Variants in DCDC1 observed in about 807,000 individuals in gnomAD.
DCDC1 encodes the protein doublecortin domain containing 1.
DCDC1 carries 200 observed loss-of-function variants against 178.3 expected under a neutral mutation model. That is an observed-to-expected ratio of 1.12 (90% CI 1.00 to 1.26). The LOEUF (loss-of-function observed/expected upper bound fraction) is 1.26, where lower values mean the gene tolerates loss of function less well. DCDC1 is among the 50% of genes most tolerant of loss of function. The pLI is 0.00. For synonymous variants in DCDC1, 690 were observed against 604.8 expected, an observed-to-expected ratio of 1.14 and a Z score of -2.07; for missense variants, 1,983 against 1,749.2, an observed-to-expected ratio of 1.13 and a Z score of -2.38.
At chr11:30,976,646 C>T (rs933975085) in intron 20 of DCDC1, among the ~76,000 whole-genome samples, 4 of 151,968 alleles carry the variant, frequency 2.6e-5, no homozygotes, top group African/African-American at 9.7e-5. Flanking sequence ...CATCTCACCC[C>T]AGTTAGAATG....
At position 31,011,452 on chromosome 11, in the gene DCDC1, G is replaced by T. The variant is rs550936215; in HGVS notation, c.2591+53017C>A. 5.9e-5 allele frequency among the ~76,000 whole-genome samples: 9 copies of T among 152,252 alleles called. No individual in the cohort carries two copies. The South Asian group carries it at 1.5e-3, about 25-fold the overall frequency. On this transcript the variant is annotated intron_variant, in intron 20 of 38. Coordinates refer to ENST00000684477, the MANE Select transcript of DCDC1 (RefSeq NM_001387274.1). The stretch of plus-strand genomic sequence containing the variant: ...GACAAGCAATAGAAAATGGGTAAAA[G>T]ATATGGATATGCAATTCACCAAAAA...
chr11:31,095,624 AG>A (rs1958101605), intron 15 of DCDC1, among the ~76,000 whole-genome samples: 1 of 152,134 alleles, frequency 6.6e-6, no homozygotes, highest in Non-Finnish European at 1.5e-5. Context: ...GAGACTTTAG[AG>A]ATAGTTGTGG....
chr11:31,133,892 T>C (rs1032468933), intron 10 of DCDC1, among the ~76,000 whole-genome samples: 7 of 152,070 alleles, frequency 4.6e-5, no homozygotes, highest in African/African-American at 1.7e-4. Context: ...TTAGTAAAGA[T>C]TGGTTTCACT....
chr11:31,103,860 T>C, intron 13 of DCDC1, 91 bp from the exon 14 acceptor site: 1 of 679,986 alleles, frequency 1.5e-6, no homozygotes, highest in Non-Finnish European at 2.6e-6. Flanking sequence ...CACATTATCA[T>C]TGTCTAATAA....
chr11:31,262,509 A>G (rs1244993042), intron 8 of DCDC1: 1 of 152,176 alleles, frequency 6.6e-6, no homozygotes, highest in Non-Finnish European at 1.5e-5. Context: ...TCCTTGGTAC[A>G]ATTACACTTC....
At chr11:31,352,472 A>C (rs1409213636) in intron 1 of DCDC1, among the ~76,000 whole-genome samples, 2 of 152,198 alleles carry the variant, frequency 1.3e-5, no homozygotes. Context: ...ACAGTTTGAT[A>C]CTTAGCAACG....
chr11:30,905,111 A>T lies in DCDC1; in HGVS notation c.4158T>A (p.Arg1386=), dbSNP rs1407717801. ...AGGTCTTCATCCGTAAAGACAATAG[A>T]CGTGCTTGGTAGTAACTTAGAGTTT... ...AEKTLSYYQA[R]LLSLRMKTCT... is the part of the protein sequence containing the mutation. The change falls in exon 31 of 39, where the codon CGT becomes CGA. Residue 1386 remains arginine, a synonymous_variant. Coordinates refer to ENST00000684477, the MANE Select transcript of DCDC1 (RefSeq NM_001387274.1). The T allele has an allele frequency of 6.2e-7, 1 of 1,613,268 alleles. No homozygotes were observed.
chr11:31,194,150 T>C (rs938612477), intron 9 of DCDC1, among the ~76,000 whole-genome samples: 1 of 152,112 alleles, frequency 6.6e-6, no homozygotes, highest in Non-Finnish European at 1.5e-5. Context: ...TTTGATGATA[T>C]CATGATAGTT....
At chr11:30,907,010 T>C (rs1050835922) in intron 29 of DCDC1, among the ~76,000 whole-genome samples, 36 of 152,238 alleles carry the variant, frequency 2.4e-4, no homozygotes, top group African/African-American at 8.4e-4. Context: ...GCAAGAAATA[T>C]ACAAGACAAT....
intron 7 of DCDC1, among the ~76,000 whole-genome samples, chr11:31,266,782 C>A (rs1470591280): frequency 6.6e-6 from 1 of 152,142 alleles, no homozygotes; most frequent in Non-Finnish European, 1.5e-5. Flanking sequence ...AGCTTTGTGA[C>A]AATGTATGTA....
At chr11:31,249,486 C>G (rs1264090364) in intron 8 of DCDC1, among the ~76,000 whole-genome samples, 2 of 152,072 alleles carry the variant, frequency 1.3e-5, no homozygotes, top group Non-Finnish European at 2.9e-5. Flanking sequence ...ACATAAGCAA[C>G]AAGGGTAGAT....
intron 12 of DCDC1, among the ~76,000 whole-genome samples, chr11:31,108,727 GTTCAA>G (rs747389495): frequency 2.6e-4 from 39 of 152,156 alleles, no homozygotes; most frequent in Non-Finnish European, 4.4e-4. Context: ...CATTTTAGGT[GTTCAA>G]AGATGAGCAT....
At chr11:31,263,147 T>C in intron 8 of DCDC1, 8 of 1,489,420 alleles carry the variant, frequency 5.4e-6, no homozygotes, top group Non-Finnish European at 7.4e-6. Context: ...AAATCTTTCA[T>C]CTTAACGAAG....
chr11:31,021,680 C>A (rs561693563), intron 20 of DCDC1, among the ~76,000 whole-genome samples: 1 of 152,072 alleles, frequency 6.6e-6, no homozygotes, highest in Non-Finnish European at 1.5e-5. Flanking sequence ...CTGTTTGAAA[C>A]TCTGATTTTT....
intron 20 of DCDC1, among the ~76,000 whole-genome samples, chr11:31,046,852 A>C (rs1279839825): frequency 6.6e-6 from 1 of 152,170 alleles, no homozygotes; most frequent in Non-Finnish European, 1.5e-5. Flanking sequence ...CAGTTTTCAC[A>C]ATAAAAACTT....
At chr11:31,110,581 G>T (rs532581310) in intron 11 of DCDC1, among the ~76,000 whole-genome samples, 1 of 151,990 alleles carries the variant, frequency 6.6e-6, no homozygotes, top group African/African-American at 2.4e-5. Context: ...GAAAAGAAAG[G>T]CTCCTGCTTC....
At chr11:31,107,841 T>C (rs1958952398) in intron 12 of DCDC1, among the ~76,000 whole-genome samples, 1 of 152,210 alleles carries the variant, frequency 6.6e-6, no homozygotes, top group Non-Finnish European at 1.5e-5. Flanking sequence ...GGGTTCCTTT[T>C]CATCTCTCCC....
chr11:31,221,590 T>A (rs1974273456), intron 9 of DCDC1, among the ~76,000 whole-genome samples: 1 of 152,182 alleles, frequency 6.6e-6, no homozygotes, highest in East Asian at 1.9e-4. Flanking sequence ...CTGACAGCCT[T>A]CCTTCATTCT....
chr11:30,968,668 T>C (rs536315394), intron 20 of DCDC1, among the ~76,000 whole-genome samples: 1 of 139,526 alleles, frequency 7.2e-6, no homozygotes, highest in Non-Finnish European at 1.5e-5. Context: ...ATACATCAAA[T>C]ATATATATCA....
Sources: allele counts gnomAD v4.1 joint callset (sites outside exome capture counted in the v4.1 genomes callset), GRCh38; gene constraint gnomAD v4.1.1; transcripts MANE v1.5; gene names NCBI Gene and HGNC (gene_info 2026-07-23, HGNC 2026-07-21).